The following PSD3 variants were observed in gnomAD, a reference collection of about 807,000 sequenced individuals.
PSD3 encodes the protein PH and SEC7 domain-containing protein 3.
A neutral mutation model predicts 105.5 loss-of-function variants in PSD3; 49 were observed. The ratio of observed to expected loss-of-function variants is 0.46; its 90% confidence interval spans 0.37 to 0.59. The LOEUF is 0.59. Ranked by LOEUF, PSD3 falls within the 20% of genes least tolerant of loss-of-function variation. The probability of loss-of-function intolerance (pLI) is 0.00; values close to 1 mark genes in which losing one functional copy is unlikely to be tolerated. For missense variants in PSD3, 1,561 were observed against 1,263.8 expected, an observed-to-expected ratio of 1.24 and a Z score of -3.57; for synonymous variants, 557 against 457.8, an observed-to-expected ratio of 1.22 and a Z score of -2.77.
intron 1 of PSD3, among the ~76,000 whole-genome samples, chr8:19,050,427 G>A (rs916563773): frequency 6.6e-6 from 1 of 152,106 alleles, no homozygotes; most frequent in African/African-American, 2.4e-5. Flanking sequence ...CAAAGACTTG[G>A]AACCAACCCA....
chr8:18,538,125 G>C (rs1799941509), intron 15 of PSD3, among the ~76,000 whole-genome samples: 1 of 152,350 alleles, frequency 6.6e-6, no homozygotes, highest in Admixed American at 6.5e-5. Flanking sequence ...GACATGATGA[G>C]CTGGATCCAA....
At chr8:18,834,716 T>C (rs542098986) in intron 4 of PSD3, among the ~76,000 whole-genome samples, 8 of 152,124 alleles carry the variant, frequency 5.3e-5, no homozygotes, top group East Asian at 1.9e-4. Context: ...AAGAGTTATA[T>C]AGAGGAACAA....
In PSD3 at chr8:18,905,513, G is replaced by C. The variant is rs995555156; in HGVS notation, c.130+30521C>G. Among the ~76,000 whole-genome samples, 3 of 152,126 alleles carry C rather than the reference G, an allele frequency of 2.0e-5. No homozygotes were observed. The South Asian group carries it at 6.2e-4, about 32-fold the overall frequency. ...TAATTTTTGTATTTTTAATAGACGG[G>C]GTTTCACCATATTGGTCAGGCTGGT... On this transcript the variant is annotated intron_variant, in intron 2 of 15. Coordinates refer to ENST00000327040, the MANE Select transcript of PSD3 (RefSeq NM_015310.4).
chr8:18,629,946 G>C (rs903799715), intron 11 of PSD3, among the ~76,000 whole-genome samples: 1 of 151,760 alleles, frequency 6.6e-6, no homozygotes, highest in Admixed American at 6.6e-5. Context: ...AATTGAAATG[G>C]GGATATCCAG....
intron 9 of PSD3, among the ~76,000 whole-genome samples, chr8:18,753,468 CA>C (rs1237397722): frequency 1.3e-5 from 2 of 152,100 alleles, no homozygotes; most frequent in African/African-American, 4.8e-5. Context: ...TACTTCCTTG[CA>C]AGATCTGGAT....
intron 9 of PSD3, among the ~76,000 whole-genome samples, chr8:18,752,192 T>C (rs941652220): frequency 7.3e-5 from 11 of 151,544 alleles, no homozygotes; most frequent in African/African-American, 2.7e-4. Context: ...AATAAAAAAT[T>C]ATGCATATAC....
rs1218567252 is a variant in PSD3, at chr8:18,532,104, T to A, written c.*3639A>T. The stretch of plus-strand genomic sequence containing the variant: ...TTTAACGTCAATTTTCTTCCAATTG[T>A]CAATGATTAGTTAAAAAGAAAAGAG... On this transcript the variant is annotated 3_prime_UTR_variant, in exon 16 of 16. Transcript: ENST00000327040. The A allele has an allele frequency of 6.6e-6, 1 of 152,214 alleles. No individual in the cohort carries two copies. The highest frequency in any genetic ancestry group is 1.5e-5 in the Non-Finnish European group (1 of 68,056). The allele number at this position is 152,214 out of a possible 1,614,324, so 9.4% of individuals were successfully genotyped here. A position where few individuals can be genotyped will look rare whatever the true frequency, so the allele number is the denominator to read the frequency against.
intron 9 of PSD3, among the ~76,000 whole-genome samples, chr8:18,690,825 C>T (rs915275923): frequency 1.3e-5 from 2 of 152,210 alleles, no homozygotes; most frequent in African/African-American, 2.4e-5. Flanking sequence ...CCCTTGATTT[C>T]CCCTGCCCCT....
At chr8:19,000,797 A>C (rs992622331) in intron 1 of PSD3, 2 of 151,786 alleles carry the variant, frequency 1.3e-5, no homozygotes, top group Admixed American at 6.6e-5. Context: ...CAGAGCACCT[A>C]CTCTGCCGTA....
chr8:18,925,734 C>T (rs75090627), intron 2 of PSD3, among the ~76,000 whole-genome samples: 5 of 152,130 alleles, frequency 3.3e-5, no homozygotes, highest in African/African-American at 7.2e-5. Context: ...AGAGAGAAGT[C>T]GAAGTCAAAA....
At chr8:18,623,155 G>T (rs1585418291) in intron 11 of PSD3, among the ~76,000 whole-genome samples, 1 of 152,196 alleles carries the variant, frequency 6.6e-6, no homozygotes, top group South Asian at 2.1e-4. Flanking sequence ...AAAATGCTGG[G>T]ATTACAGGCG....
intron 8 of PSD3, among the ~76,000 whole-genome samples, chr8:18,791,811 T>C: frequency 6.6e-6 from 1 of 151,808 alleles, no homozygotes. Flanking sequence ...GCGAGAAAAA[T>C]TTTGTAATTT....
chr8:18,612,659 C>T (rs563383214), intron 11 of PSD3, among the ~76,000 whole-genome samples: 3 of 152,266 alleles, frequency 2.0e-5, no homozygotes, highest in Middle Eastern at 3.4e-3. Context: ...CATGAGCCAC[C>T]GCACACGGCC....
chr8:18,896,413 A>AT (rs1329017580), intron 2 of PSD3, among the ~76,000 whole-genome samples: 4 of 151,992 alleles, frequency 2.6e-5, no homozygotes, highest in Non-Finnish European at 5.9e-5. Flanking sequence ...CTTAGTGGCT[A>AT]TACTTTTATT....
chr8:18,726,471 C>A (rs905100483), intron 9 of PSD3, among the ~76,000 whole-genome samples: 1 of 152,200 alleles, frequency 6.6e-6, no homozygotes, highest in Admixed American at 6.5e-5. Flanking sequence ...TGATTATAAT[C>A]ATTACGTTAT....
chr8:18,646,994 T>C (rs138173182), intron 10 of PSD3, among the ~76,000 whole-genome samples: 224 of 152,224 alleles, frequency 1.5e-3, no homozygotes, highest in African/African-American at 4.5e-3. Context: ...AAACAGGTAA[T>C]AGTAATCCCA....
intron 4 of PSD3, among the ~76,000 whole-genome samples, chr8:18,836,459 T>C (rs1409754295): frequency 6.6e-6 from 1 of 152,208 alleles, no homozygotes; most frequent in African/African-American, 2.4e-5. Context: ...ACACAGAGGT[T>C]GGAAATGCAT....
chr8:18,736,843 T>C (rs1214795150), intron 9 of PSD3, among the ~76,000 whole-genome samples: 2 of 152,206 alleles, frequency 1.3e-5, no homozygotes, highest in African/African-American at 4.8e-5. Context: ...TAAATTTGGC[T>C]GATGATCAGA....
At chr8:19,013,899 C>G (rs1227578940), upstream of PSD3, among the ~76,000 whole-genome samples, 11 of 116,690 alleles carry the variant, frequency 9.4e-5, no homozygotes, top group African/African-American at 3.2e-4. Context: ...GCTGGGCCTC[C>G]GAGGCGGGGG....
Sources: gnomAD v4.1 joint callset for allele counts (sites outside exome capture counted in the v4.1 genomes callset) on GRCh38, gnomAD v4.1.1 for gene constraint, MANE v1.5 for transcripts, NCBI Gene and HGNC (gene_info 2026-07-23, HGNC 2026-07-21) for gene names.